The following SPIDR variants were observed in gnomAD, a reference collection of about 807,000 sequenced individuals.
The protein encoded by SPIDR is scaffold protein involved in DNA repair, also known as DNA repair-scaffolding protein.
Under a neutral mutation model 104.6 loss-of-function variants are expected in SPIDR, and 93 were observed. The ratio of observed to expected loss-of-function variants is 0.89; its 90% CI spans 0.75 to 1.06. The LOEUF is 1.06. Among genes scored for constraint, SPIDR ranks in the 50% least tolerant of loss-of-function variants. The probability of loss-of-function intolerance (pLI) is 0.00; values close to 1 mark genes in which losing one functional copy is unlikely to be tolerated. For synonymous variants in SPIDR, 431 were observed against 416.9 expected (o/e 1.03, Z -0.41); for missense variants, 1,154 against 1,111.2 (o/e 1.04, Z -0.55).
chr8:47,372,529 G>A (rs1271655214), intron 5 of SPIDR, among the ~76,000 whole-genome samples: 1 of 152,142 alleles, frequency 6.6e-6, no homozygotes, highest in African/African-American at 2.4e-5. Flanking sequence ...GGGAAGCTGA[G>A]GCAGGAGAAT....
At chr8:47,477,141 T>TATGAAACACTTA (rs1238540818) in intron 8 of SPIDR, among the ~76,000 whole-genome samples, 1 of 152,178 alleles carries the variant, frequency 6.6e-6, no homozygotes, top group Non-Finnish European at 1.5e-5. Context: ...CTTCAGGGCC[T>TATGAAACACTTA]ATGAAACACT....
intron 10 of SPIDR, among the ~76,000 whole-genome samples, chr8:47,623,971 AC>A (rs1342481454): frequency 6.6e-6 from 1 of 152,228 alleles, no homozygotes; most frequent in East Asian, 1.9e-4. Flanking sequence ...TCCAAAATTG[AC>A]CACATAGTTG....
chr8:47,560,335 T>C (rs1353865614), intron 8 of SPIDR, among the ~76,000 whole-genome samples: 1 of 152,194 alleles, frequency 6.6e-6, no homozygotes, highest in Non-Finnish European at 1.5e-5. Context: ...GGGCCCAGCA[T>C]CTTTTCTGGA....
At chr8:47,420,538 A>C (rs2154334056) in intron 7 of SPIDR, among the ~76,000 whole-genome samples, 1 of 152,278 alleles carries the variant, frequency 6.6e-6, no homozygotes, top group East Asian at 1.9e-4. Context: ...TCCTGAATGC[A>C]GCACACTGAT....
intron 8 of SPIDR, among the ~76,000 whole-genome samples, chr8:47,545,289 C>T (rs141728837): frequency 0.014 from 2,153 of 151,778 alleles, 162 homozygotes; most frequent in Admixed American, 0.12. Flanking sequence ...AGGCTGGTTT[C>T]GAATTCCTGA....
intron 5 of SPIDR, among the ~76,000 whole-genome samples, chr8:47,379,595 C>T (rs1388528473): frequency 6.6e-6 from 1 of 152,172 alleles, no homozygotes; most frequent in Admixed American, 6.5e-5. Flanking sequence ...TTAGAGAATT[C>T]AGCTCCATGA....
chr8:47,342,218 C>T (rs950167120), intron 5 of SPIDR, among the ~76,000 whole-genome samples: 29 of 152,018 alleles, frequency 1.9e-4, no homozygotes, highest in East Asian at 1.9e-4. Context: ...CAGGCCTGAC[C>T]TCCTGCATGG....
chr8:47,581,603 G>A (rs1473450501), intron 8 of SPIDR, among the ~76,000 whole-genome samples: 1 of 152,116 alleles, frequency 6.6e-6, no homozygotes, highest in African/African-American at 2.4e-5. Flanking sequence ...TTCAGCCTTT[G>A]GCCAGTGGGT....
At chr8:47,384,583 T>A (rs181514672) in intron 5 of SPIDR, among the ~76,000 whole-genome samples, 1 of 152,350 alleles carries the variant, frequency 6.6e-6, no homozygotes, top group African/African-American at 2.4e-5. Flanking sequence ...GTTTCAGATT[T>A]CTTTATCTTC....
chr8:47,496,007 T>C (rs540767288), intron 8 of SPIDR, among the ~76,000 whole-genome samples: 2 of 152,354 alleles, frequency 1.3e-5, no homozygotes, highest in East Asian at 3.9e-4. Flanking sequence ...AGAAATACAA[T>C]TTAAATTTAA....
intron 5 of SPIDR, among the ~76,000 whole-genome samples, chr8:47,340,482 G>T (rs1470068922): frequency 6.6e-6 from 1 of 152,112 alleles, no homozygotes; most frequent in Middle Eastern, 3.2e-3. Flanking sequence ...GCACCCTGTA[G>T]TCTCAGCTAC....
chr8:47,327,744 G>A (rs1554601341), intron 5 of SPIDR, among the ~76,000 whole-genome samples: 1 of 152,038 alleles, frequency 6.6e-6, no homozygotes. Flanking sequence ...TGTATTTTTA[G>A]TAGACACGGG....
intron 8 of SPIDR, among the ~76,000 whole-genome samples, chr8:47,492,578 GC>G (rs766882860): frequency 6.2e-4 from 94 of 152,228 alleles, no homozygotes; most frequent in African/African-American, 2.0e-3. Context: ...TTTCACTGCT[GC>G]CCTTTTACCT....
chr8:47,576,244 G>A (rs1004767268), intron 8 of SPIDR, among the ~76,000 whole-genome samples: 3 of 151,682 alleles, frequency 2.0e-5, no homozygotes, highest in South Asian at 2.1e-4. Flanking sequence ...CTCCGCCTCC[G>A]GGGTTCAAGC....
Position 47,735,732 on chromosome 8 carries a change from G to T in SPIDR, c.*282G>T. 2 of 701,242 alleles carry T rather than the reference G, an allele frequency of 2.9e-6. No individual in the cohort carries two copies. The highest frequency in any genetic ancestry group is 4.1e-4 in the Middle Eastern group (1 of 2,422). The allele number at this position is 701,242 out of a possible 1,614,324, so 43.4% of individuals were successfully genotyped here. ...TTTAAGCTCTTCATTTGGTATTTAG[G>T]CAATATATGAGAAAAAAATTTTTTT... On this transcript the variant is annotated 3_prime_UTR_variant, in exon 20 of 20. Coordinates refer to ENST00000297423, the MANE Select transcript of SPIDR (RefSeq NM_001080394.4).
In SPIDR at chr8:47,595,946, C is replaced by CATCT. The variant is rs1227306280; in HGVS notation, c.1234_1237dup (p.Ser413TyrfsTer10). On this transcript the variant is annotated frameshift_variant, in exon 9 of 20. Transcript: ENST00000297423. LOFTEE classifies it high-confidence loss of function. ...CGGACATACCCCTTCCAAGAAGAAG[C>CATCT]ATCTCTTTGGCCCAGATGTTTGTAA... The CATCT allele has an allele frequency of 1.2e-6, 2 of 1,614,164 alleles. No individual in the cohort carries two copies. The highest frequency in any genetic ancestry group is 2.2e-5 in the South Asian group (2 of 91,076).
At chr8:47,694,032 C>G (rs917282924) in intron 11 of SPIDR, among the ~76,000 whole-genome samples, 2 of 152,200 alleles carry the variant, frequency 1.3e-5, no homozygotes, top group African/African-American at 2.4e-5. Context: ...AGGTCTTTCT[C>G]AACACTGCAG....
At chr8:47,621,667 G>A (rs1234991598) in intron 10 of SPIDR, among the ~76,000 whole-genome samples, 2 of 152,216 alleles carry the variant, frequency 1.3e-5, no homozygotes, top group African/African-American at 4.8e-5. Flanking sequence ...AATCAAAGGT[G>A]TGCTCAGTTC....
At chr8:47,659,708 T>G in intron 10 of SPIDR, 1 of 985,010 alleles carries the variant, frequency 1.0e-6, no homozygotes, top group Non-Finnish European at 1.2e-6. Flanking sequence ...CCCTCTTCTG[T>G]CCCCATGCTC....
Sources: gnomAD v4.1 joint callset for allele counts (sites outside exome capture counted in the v4.1 genomes callset) on GRCh38, gnomAD v4.1.1 for gene constraint, MANE v1.5 for transcripts, NCBI Gene and HGNC (gene_info 2026-07-23, HGNC 2026-07-21) for gene names.